The following GSE1 variants were observed in gnomAD, a reference collection of about 807,000 sequenced individuals.
GSE1 encodes the protein genetic suppressor element 1.
Under a neutral mutation model 112.6 loss-of-function variants are expected in GSE1, and 32 were observed. The observed-to-expected ratio is 0.28, with a 90% CI of 0.21 to 0.38. The LOEUF (loss-of-function observed/expected upper bound fraction) is 0.38, where lower values mean the gene tolerates loss of function less well. Ranked by LOEUF, GSE1 falls within the 10% of genes least tolerant of loss-of-function variation. The pLI is 1.00. For synonymous variants in GSE1, 1,115 were observed against 735.6 expected (o/e 1.52, Z -8.35); for missense variants, 2,348 against 1,699.2 (o/e 1.38, Z -6.71).
At chr16:85,639,976 T>C (rs116582893) in intron 2 of GSE1, among the ~76,000 whole-genome samples, 3,248 of 152,104 alleles carry the variant, frequency 0.021, 113 homozygotes, top group African/African-American at 0.074. Flanking sequence ...GGGAAACAGT[T>C]GGGGGCGATC....
At chr16:85,500,133 C>G (rs2051311364) in intron 2 of GSE1, among the ~76,000 whole-genome samples, 1 of 152,202 alleles carries the variant, frequency 6.6e-6, no homozygotes, top group African/African-American at 2.4e-5. Context: ...ATCATCATCC[C>G]CAATATTGCA....
At chr16:85,177,789 C>T (rs766843975) in intron 1 of GSE1, among the ~76,000 whole-genome samples, 3 of 152,114 alleles carry the variant, frequency 2.0e-5, no homozygotes, top group African/African-American at 7.2e-5. Context: ...GGGGTTCTGT[C>T]CCTTGGAGGA....
chr16:85,208,930 C>T (rs2075171539), intron 1 of GSE1, among the ~76,000 whole-genome samples: 1 of 140,308 alleles, frequency 7.1e-6, no homozygotes, highest in Admixed American at 7.1e-5. Context: ...TCGGGGTTCG[C>T]CTGTGTTGGG....
chr16:85,296,157 C>T (rs1013612531), intron 1 of GSE1, among the ~76,000 whole-genome samples: 4 of 152,142 alleles, frequency 2.6e-5, no homozygotes, highest in Non-Finnish European at 5.9e-5. Flanking sequence ...TTCTGAACTG[C>T]ACAAGGTACG....
At chr16:85,573,319 CGTCT>C (rs1360351426) in intron 1 of GSE1, among the ~76,000 whole-genome samples, 1 of 152,170 alleles carries the variant, frequency 6.6e-6, no homozygotes, top group Non-Finnish European at 1.5e-5. Flanking sequence ...ATAGCCAAGT[CGTCT>C]GTCCTGGCCT....
At chr16:85,648,903 A>C in intron 3 of GSE1, 152 bp downstream of exon 3, 2 of 518,478 alleles carry the variant, frequency 3.9e-6, no homozygotes, top group Non-Finnish European at 6.7e-6. Context: ...CTGCAACGTG[A>C]GGGTGACAGC....
In GSE1 at chr16:85,672,842, T is replaced by TA. The variant is rs1204431166; in HGVS notation, c.*304dup. ...CTTAATCTGAACATGAAGGCTCCAT[T>TA]AGCAACACTAAAACTTGATCATTAA... On this transcript the variant is annotated 3_prime_UTR_variant, in exon 16 of 16. Transcript: ENST00000253458. The TA allele has an allele frequency of 4.8e-6, 1 of 207,408 alleles. No homozygotes were observed. The highest frequency in any genetic ancestry group is 9.8e-6 in the Non-Finnish European group (1 of 102,220). The allele number at this position is 207,408 out of a possible 1,614,324, so 12.8% of individuals were successfully genotyped here. A position where few individuals can be genotyped will look rare whatever the true frequency, so the allele number is the denominator to read the frequency against.
intron 2 of GSE1, among the ~76,000 whole-genome samples, chr16:85,360,847 C>G (rs571145966): frequency 6.6e-6 from 1 of 151,722 alleles, no homozygotes; most frequent in Non-Finnish European, 1.5e-5. Context: ...CACAGAAACC[C>G]GTGACACACA....
At chr16:85,335,336 C>T (rs770293529) in intron 1 of GSE1, among the ~76,000 whole-genome samples, 1 of 152,262 alleles carries the variant, frequency 6.6e-6, no homozygotes, top group Admixed American at 6.5e-5. Flanking sequence ...GGTGGAGGGC[C>T]GTACTGTCTT....
At chr16:85,585,516 A>G (rs1044531735) in intron 1 of GSE1, among the ~76,000 whole-genome samples, 2 of 152,284 alleles carry the variant, frequency 1.3e-5, no homozygotes. Context: ...TCGCTTTGGC[A>G]CGTGGTTGCC....
At chr16:85,399,331 G>A (rs983812254) in intron 2 of GSE1, among the ~76,000 whole-genome samples, 2 of 152,210 alleles carry the variant, frequency 1.3e-5, no homozygotes, top group Non-Finnish European at 2.9e-5. Context: ...CCCTCTGCAC[G>A]TGGAAAGGTG....
chr16:85,507,278 C>A (rs2051568038), intron 2 of GSE1, among the ~76,000 whole-genome samples: 1 of 152,228 alleles, frequency 6.6e-6, no homozygotes, highest in African/African-American at 2.4e-5. Flanking sequence ...CCGTCCTCGG[C>A]ATTCTGCTTA....
intron 1 of GSE1, among the ~76,000 whole-genome samples, chr16:85,294,003 G>T (rs1403507210): frequency 2.6e-5 from 4 of 152,166 alleles, no homozygotes. Flanking sequence ...CCCATGCTTC[G>T]AGGCGCCCTC....
intron 2 of GSE1, among the ~76,000 whole-genome samples, chr16:85,382,714 T>C (rs2047575610): frequency 6.6e-6 from 1 of 150,628 alleles, no homozygotes; most frequent in African/African-American, 2.4e-5. Context: ...ACCTCACACA[T>C]GCACACACAC....
intron 1 of GSE1, among the ~76,000 whole-genome samples, chr16:85,273,880 A>G (rs540414327): frequency 4.7e-5 from 7 of 149,462 alleles, no homozygotes; most frequent in East Asian, 4.0e-4. Context: ...TTTTTTTAGT[A>G]GAGATGGGGT....
At chr16:85,591,638 G>C (rs1338187616) in intron 1 of GSE1, among the ~76,000 whole-genome samples, 1 of 152,240 alleles carries the variant, frequency 6.6e-6, no homozygotes, top group Non-Finnish European at 1.5e-5. Context: ...GGGGGTGCTG[G>C]GGGCTCCTGG....
At chr16:85,556,397 C>A in intron 1 of GSE1, 1 of 971,096 alleles carries the variant, frequency 1.0e-6, no homozygotes, top group Non-Finnish European at 1.2e-6. Flanking sequence ...GGGTCCCGCG[C>A]GGCGCCGGCG....
chr16:85,312,696 A>C (rs1304485891), intron 1 of GSE1, among the ~76,000 whole-genome samples: 1 of 151,176 alleles, frequency 6.6e-6, no homozygotes, highest in African/African-American at 2.4e-5. Flanking sequence ...AGGGAGGGGG[A>C]GGAGGGAGAG....
chr16:85,573,791 C>G lies in GSE1; in HGVS notation c.37+17428C>G, dbSNP rs372670835. ...CTCCTCCTCCGGCCACCAGTTGCCT[C>G]AGATTGGAGTTATTGTGAGTGAGTG... On this transcript the variant is annotated intron_variant, in intron 1 of 2. Coordinates refer to the GSE1 transcript ENST00000635906. Among the ~76,000 whole-genome samples, 27 of 152,344 alleles carry G rather than the reference C, an allele frequency of 1.8e-4. 1 individual carries two copies. Among genetic ancestry groups the G allele is most frequent in the African/African-American group, 6.5e-4 (27 of 41,580 alleles).
Sources: allele counts gnomAD v4.1 joint callset (sites outside exome capture counted in the v4.1 genomes callset), GRCh38; gene constraint gnomAD v4.1.1; transcripts MANE v1.5; gene names NCBI Gene and HGNC (gene_info 2026-07-23, HGNC 2026-07-21).